Variants in CCL22 observed in about 807,000 individuals in gnomAD.
CCL22 encodes the protein C-C motif chemokine ligand 22.
A neutral mutation model predicts 7.6 loss-of-function variants in CCL22; 7 were observed. The ratio of observed to expected loss-of-function variants is 0.92; its 90% CI spans 0.52 to 1.72. CCL22 has a LOEUF of 1.72. Ranked by LOEUF, CCL22 falls within the 40% of genes most tolerant of loss-of-function variation. The pLI is 0.00. For synonymous variants in CCL22, 55 were observed against 47.2 expected (o/e 1.17, Z -0.68); for missense variants, 115 against 124.7 (o/e 0.92, Z 0.37).
intron 2 of CCL22, 144 bp downstream of exon 2, chr16:57,360,704 G>A (rs1391414436): frequency 2.4e-5 from 24 of 985,718 alleles, no homozygotes; most frequent in Non-Finnish European, 7.5e-6. Flanking sequence ...GGCTTGGCTG[G>A]AAGAGATGGC....
rs1902076042 is a variant in CCL22, at chr16:57,363,844, C to A, written c.*256C>A. 2.3e-6 allele frequency: 1 copy of A among 443,970 alleles called. No individual in the cohort carries two copies. The highest frequency in any genetic ancestry group is 3.6e-5 in the Admixed American group (1 of 27,850). The allele number at this position is 443,970 out of a possible 1,614,324, so 27.5% of individuals were successfully genotyped here. On this transcript the variant is annotated 3_prime_UTR_variant, in exon 3 of 3. Coordinates refer to ENST00000219235, the MANE Select transcript of CCL22 (RefSeq NM_002990.5). ...CCCATCAGCGATTCCCCTGCTTAAA[C>A]CCTTCCATGACTCCCCACTGCCCTA...
chr16:57,363,827 C>T lies in CCL22; in HGVS notation c.*239C>T, dbSNP rs532883204. 88 of 488,514 alleles carry T rather than the reference C, an allele frequency of 1.8e-4. No homozygotes were observed. Among genetic ancestry groups the T allele is most frequent in the African/African-American group, 8.1e-4 (42 of 51,686 alleles). The allele number at this position is 488,514 out of a possible 1,614,324, so 30.3% of individuals were successfully genotyped here. On this transcript the variant is annotated 3_prime_UTR_variant, in exon 3 of 3. Transcript: ENST00000219235. ...AGTCAGAGGGTCCTGTTCCCATCAG[C>T]GATTCCCCTGCTTAAACCCTTCCAT...
intron 1 of CCL22, 134 bp from the exon 2 acceptor site, chr16:57,360,303 C>T: frequency 9.0e-7 from 1 of 1,107,466 alleles, no homozygotes; most frequent in Non-Finnish European, 1.3e-6. Flanking sequence ...ATCCTCTGGT[C>T]ACCATCCTTC....
At chr16:57,363,387 C>T in intron 2 of CCL22, 117 bp from the exon 3 acceptor site, 2 of 652,796 alleles carry the variant, frequency 3.1e-6, no homozygotes, top group Non-Finnish European at 5.6e-6. Context: ...GTAGGTGACT[C>T]ATAAATGCTG....
chr16:57,361,419 T>C (rs547592566), intron 2 of CCL22, among the ~76,000 whole-genome samples: 163 of 152,284 alleles, frequency 1.1e-3, no homozygotes, highest in Non-Finnish European at 3.1e-4. Flanking sequence ...GATCATTACC[T>C]GTGTTAACTG....
intron 2 of CCL22, among the ~76,000 whole-genome samples, chr16:57,361,898 T>C (rs1412673870): frequency 4.6e-5 from 7 of 152,224 alleles, no homozygotes; most frequent in African/African-American, 1.4e-4. Flanking sequence ...AGAGTTCTTG[T>C]CTCTTTAACT....
intron 2 of CCL22, among the ~76,000 whole-genome samples, chr16:57,363,290 C>A (rs536419723): frequency 4.1e-4 from 62 of 152,268 alleles, no homozygotes; most frequent in African/African-American, 1.4e-3. Context: ...CTCCTGGCCT[C>A]CTCTTCCTCC....
Position 57,363,946 on chromosome 16 carries a change from T to C in CCL22, c.*358T>C, listed in dbSNP as rs1902077002. The C allele has an allele frequency of 4.4e-6, 1 of 226,640 alleles. No individual in the cohort carries two copies. The allele number at this position is 226,640 out of a possible 1,614,324, so 14.0% of individuals were successfully genotyped here. On this transcript the variant is annotated 3_prime_UTR_variant, in exon 3 of 3. Transcript: ENST00000219235. ...CATCTCTGTCTCCAGCCTGCCCACT[T>C]CCCTTCATGAATGTTGGGTTCTAGC...
At chr16:57,360,707 G>A in intron 2 of CCL22, 147 bp downstream of exon 2, 1 of 957,520 alleles carries the variant, frequency 1.0e-6, no homozygotes, top group East Asian at 2.5e-5. Flanking sequence ...TTGGCTGGAA[G>A]AGATGGCTCA....
At position 57,358,813 on chromosome 16, in the gene CCL22, G is replaced by A; in HGVS notation, c.-4G>A. ...CACCTGGGCTGAGACATACAGGACA[G>A]AGCATGGATCGCCTACAGACTGCAC... On this transcript the variant is annotated 5_prime_UTR_variant, in exon 1 of 3. Transcript: ENST00000219235. The A allele has an allele frequency of 6.2e-7, 1 of 1,611,872 alleles. No homozygotes were observed. Among genetic ancestry groups the A allele is most frequent in the Non-Finnish European group, 8.5e-7 (1 of 1,177,948 alleles).
At chr16:57,359,185 G>A (rs1226805706) in intron 1 of CCL22, among the ~76,000 whole-genome samples, 2 of 152,186 alleles carry the variant, frequency 1.3e-5, no homozygotes, top group South Asian at 2.1e-4. Context: ...AGGGGTGTGG[G>A]TGAGGAGCTT....
rs1277938989 is a variant in CCL22 at position 57,365,086 on chromosome 16, G to A, written c.*1498G>A. On this transcript the variant is annotated 3_prime_UTR_variant, in exon 3 of 3. Coordinates refer to ENST00000219235, the MANE Select transcript of CCL22 (RefSeq NM_002990.5). Reference sequence around the variant, plus strand: ...CAAAGTGCTGAGATTACAGGCGTGAGCTATCACACCCAGCCTCCCCCTTTT... The same window carrying A: ...CAAAGTGCTGAGATTACAGGCGTGAACTATCACACCCAGCCTCCCCCTTTT... 6.6e-6 allele frequency: 1 copy of A among 152,080 alleles called. No individual in the cohort carries two copies. The highest frequency in any genetic ancestry group is 2.4e-5 in the African/African-American group (1 of 41,378). 9.4% of individuals were successfully genotyped at this position (152,080 alleles called of 1,614,324 possible). A position where few individuals can be genotyped will look rare whatever the true frequency, so the allele number is the denominator to read the frequency against.
chr16:57,362,349 A>G (rs1902057882), intron 2 of CCL22, among the ~76,000 whole-genome samples: 1 of 152,096 alleles, frequency 6.6e-6, no homozygotes, highest in South Asian at 2.1e-4. Flanking sequence ...GGCTGAGTGC[A>G]GTGGCTTACA....
intron 2 of CCL22, 56 bp from the exon 3 acceptor site, chr16:57,363,448 G>A (rs377028017): frequency 1.7e-6 from 2 of 1,160,168 alleles, no homozygotes; most frequent in Admixed American, 1.7e-5. Context: ...CGAGGGTGTG[G>A]CATCCTTGCT....
At chr16:57,361,795 A>T (rs1245773781) in intron 2 of CCL22, among the ~76,000 whole-genome samples, 1 of 152,120 alleles carries the variant, frequency 6.6e-6, no homozygotes, top group African/African-American at 2.4e-5. Context: ...GGCCTCTATT[A>T]TCTTCTCATC....
chr16:57,358,482 C>T (rs564216451), upstream of CCL22, among the ~76,000 whole-genome samples: 4 of 152,332 alleles, frequency 2.6e-5, no homozygotes, highest in East Asian at 7.7e-4. Flanking sequence ...AACCAAGTCC[C>T]AGAGACACCC....
upstream of CCL22, among the ~76,000 whole-genome samples, chr16:57,358,279 G>C (rs1459685998): frequency 6.6e-6 from 1 of 152,212 alleles, no homozygotes. Flanking sequence ...CCCAAATGTG[G>C]ACTTCACGAG....
rs752022255 is a variant in CCL22 at position 57,358,789 on chromosome 16, A to C, written c.-28A>C. On this transcript the variant is annotated 5_prime_UTR_variant, in exon 1 of 3. Coordinates refer to ENST00000219235, the MANE Select transcript of CCL22 (RefSeq NM_002990.5). The stretch of plus-strand genomic sequence containing the variant: ...GGTCTTCCTATGTCCCTTTGCAGAC[A>C]CCTGGGCTGAGACATACAGGACAGA... 1.9e-6 allele frequency: 3 copies of C among 1,568,382 alleles called. No homozygotes were observed. In the African/African-American group the frequency reaches 4.1e-5, roughly 21 times the overall value.
At position 57,360,543 on chromosome 16, in the gene CCL22, C is replaced by T. The variant is rs1171443863; in HGVS notation, c.180C>T (p.Cys60=). ...VKHFYWTSDS[C]PRPGVVLLTF... ...ACTTCTACTGGACCTCAGACTCCTG[C>T]CCGAGGCCTGGCGTGGTGTGAGTAG... Residue 60 remains cysteine (C), a synonymous_variant, in exon 2 of 3, where the codon TGC becomes TGT. Coordinates refer to ENST00000219235, the MANE Select transcript of CCL22 (RefSeq NM_002990.5). The T allele has an allele frequency of 5.6e-6, 9 of 1,614,026 alleles. No individual in the cohort carries two copies. The African/African-American group carries it at 1.1e-4, about 19-fold the overall frequency.
Sources: gnomAD v4.1 joint callset for allele counts (sites outside exome capture counted in the v4.1 genomes callset) on GRCh38, gnomAD v4.1.1 for gene constraint, MANE v1.5 for transcripts, NCBI Gene and HGNC (gene_info 2026-07-23, HGNC 2026-07-21) for gene names.